SLC38A1: variants seen among roughly 807,000 people sequenced by gnomAD.
SLC38A1 encodes solute carrier family 38 member 1.
SLC38A1 carries 18 observed loss-of-function variants against 60.3 expected under a neutral mutation model. The ratio of observed to expected loss-of-function variants is 0.30; its 90% CI spans 0.21 to 0.44. The LOEUF (loss-of-function observed/expected upper bound fraction) is 0.44. SLC38A1 is among the 20% of genes least tolerant of loss of function. The pLI is 1.00. For synonymous variants in SLC38A1, 196 were observed against 212.1 expected, an observed-to-expected ratio of 0.92 and a Z score of 0.66; for missense variants, 448 against 587.2, an observed-to-expected ratio of 0.76 and a Z score of 2.45.
rs765996312 is a variant in SLC38A1 at position 46,198,073 on chromosome 12, A to G, written c.1123-13T>C. On this transcript the variant is annotated splice_polypyrimidine_tract_variant and intron_variant, in intron 14 of 16. Transcript: ENST00000398637. ...AAGATGAACGAACCTGCAAGAAAAGAAAACAAAGATTCTGTAAGTGCCTAC... is the reference window on the plus strand; with the variant it reads ...AAGATGAACGAACCTGCAAGAAAAGGAAACAAAGATTCTGTAAGTGCCTAC... 6.2e-7 allele frequency: 1 copy of G among 1,612,660 alleles called. No individual in the cohort carries two copies. Among genetic ancestry groups the G allele is most frequent in the Non-Finnish European group, 8.5e-7 (1 of 1,179,576 alleles).
At chr12:46,264,820 C>T (rs1465510470) in intron 1 of SLC38A1, among the ~76,000 whole-genome samples, 1 of 152,128 alleles carries the variant, frequency 6.6e-6, no homozygotes, top group Non-Finnish European at 1.5e-5. Context: ...CTCTGTGTGC[C>T]TTTGCATACA....
Position 46,186,726 on chromosome 12 carries a change from T to C in SLC38A1, c.*2244A>G, listed in dbSNP as rs933506047. The C allele has an allele frequency of 1.3e-5, 2 of 152,208 alleles. No homozygotes were observed. The highest frequency in any genetic ancestry group is 2.9e-5 in the Non-Finnish European group (2 of 68,034). The allele number at this position is 152,208 out of a possible 1,614,324, so 9.4% of individuals were successfully genotyped here. ...AAATCTATTTTAAATAAATATTCCT[T>C]GTATTGACACATGAAACCCAGAGGC... On this transcript the variant is annotated 3_prime_UTR_variant, in exon 17 of 17. Transcript: ENST00000398637.
In SLC38A1 at chr12:46,218,846, T is replaced by C. The variant is rs536671501; in HGVS notation, c.315-9719A>G. ...GATATGAAATCATAGGGGGGTGAAG[T>C]AAGATTTTCTTGCTGTCTTCTGTTC... On this transcript the variant is annotated intron_variant, in intron 5 of 16. Transcript: ENST00000398637. 2.0e-5 allele frequency among the ~76,000 whole-genome samples: 3 copies of C among 152,170 alleles called. No homozygotes were observed. The South Asian group carries it at 6.2e-4, about 32-fold the overall frequency.
chr12:46,209,818 T>A (rs1182564043), intron 5 of SLC38A1, among the ~76,000 whole-genome samples: 1 of 152,182 alleles, frequency 6.6e-6, no homozygotes, highest in African/African-American at 2.4e-5. Context: ...TGGGTCATTA[T>A]CACACCCTTC....
intron 14 of SLC38A1, 74 bp from the exon 15 acceptor site, chr12:46,198,134 T>C: frequency 1.4e-6 from 2 of 1,469,548 alleles, no homozygotes; most frequent in Admixed American, 1.9e-5. Flanking sequence ...GCAGAGTAAC[T>C]GATTTATTGG....
intron 1 of SLC38A1, among the ~76,000 whole-genome samples, chr12:46,244,466 T>C (rs947984091): frequency 1.3e-5 from 2 of 152,224 alleles, no homozygotes; most frequent in East Asian, 1.9e-4. Flanking sequence ...GGTTTCTAGA[T>C]ATAATTTAGA....
At chr12:46,250,781 A>G (rs891310861) in intron 1 of SLC38A1, among the ~76,000 whole-genome samples, 10 of 152,342 alleles carry the variant, frequency 6.6e-5, no homozygotes, top group African/African-American at 2.4e-4. Flanking sequence ...AATCCAACTT[A>G]CAAGGGATGT....
chr12:46,247,195 G>A (rs761831751), intron 1 of SLC38A1, among the ~76,000 whole-genome samples: 2 of 152,194 alleles, frequency 1.3e-5, no homozygotes, highest in Non-Finnish European at 2.9e-5. Context: ...TGACAAGTTG[G>A]CCAAAGTAGG....
rs1183242175 is a variant in SLC38A1 at position 46,204,427 on chromosome 12, A to C, written c.706-10T>G. 3 of 1,600,530 alleles carry C rather than the reference A, an allele frequency of 1.9e-6. No homozygotes were observed. In the Admixed American group the frequency reaches 5.0e-5, roughly 27 times the overall value. ...ATTTCTTGTAAATAACCTGGTATTAAGAAGTATAGTAGAAGCAATATGGAC... is the reference window on the plus strand; with the variant it reads ...ATTTCTTGTAAATAACCTGGTATTACGAAGTATAGTAGAAGCAATATGGAC... On this transcript the variant is annotated splice_polypyrimidine_tract_variant and intron_variant, in intron 10 of 16. Transcript: ENST00000398637.
At chr12:46,203,225 T>C in intron 11 of SLC38A1, 136 bp from the exon 12 acceptor site, 1 of 729,596 alleles carries the variant, frequency 1.4e-6, no homozygotes, top group Admixed American at 2.9e-5. Context: ...AGGGAGGTTT[T>C]GATCTCTAAA....
intron 1 of SLC38A1, among the ~76,000 whole-genome samples, chr12:46,261,338 G>T: frequency 6.6e-6 from 1 of 152,232 alleles, no homozygotes; most frequent in South Asian, 2.1e-4. Flanking sequence ...CAGCAGTTTC[G>T]TGTAGATTAC....
At chr12:46,190,698 A>AT (rs1321315341) in intron 16 of SLC38A1, among the ~76,000 whole-genome samples, 2 of 152,086 alleles carry the variant, frequency 1.3e-5, no homozygotes, top group East Asian at 3.9e-4. Flanking sequence ...GATGATGAGC[A>AT]TTTTTTCATG....
chr12:46,238,239 C>G (rs1204344657), intron 3 of SLC38A1, among the ~76,000 whole-genome samples: 3 of 151,888 alleles, frequency 2.0e-5, no homozygotes, highest in African/African-American at 4.8e-5. Flanking sequence ...CACTTGAGCC[C>G]CATAGTAAGA....
At chr12:46,207,091 G>T in intron 8 of SLC38A1, 64 bp downstream of exon 8, 2 of 1,097,474 alleles carry the variant, frequency 1.8e-6, no homozygotes, top group South Asian at 1.6e-5. Flanking sequence ...CAAGAATTTT[G>T]ATTGGCCCAT....
At chr12:46,223,354 TA>T (rs1487962540) in intron 5 of SLC38A1, among the ~76,000 whole-genome samples, 3 of 152,170 alleles carry the variant, frequency 2.0e-5, no homozygotes, top group Non-Finnish European at 2.9e-5. Flanking sequence ...ATTTAGTGAC[TA>T]CCTAATACTA....
chr12:46,222,515 T>C (rs1481503973), intron 5 of SLC38A1, among the ~76,000 whole-genome samples: 3 of 152,216 alleles, frequency 2.0e-5, no homozygotes, highest in African/African-American at 7.2e-5. Flanking sequence ...AGTAACATAG[T>C]GCTACACACT....
chr12:46,241,239 C>T (rs1394090249), intron 2 of SLC38A1, among the ~76,000 whole-genome samples: 1 of 152,086 alleles, frequency 6.6e-6, no homozygotes, highest in Non-Finnish European at 1.5e-5. Flanking sequence ...TGGCTATAGC[C>T]TAGTTAAGGG....
chr12:46,240,045 TA>T (rs1941393942), intron 2 of SLC38A1, 152 bp from the exon 3 acceptor site: 2 of 469,628 alleles, frequency 4.3e-6, no homozygotes, highest in Non-Finnish European at 7.7e-6. Flanking sequence ...TCTATCAAGT[TA>T]TGGAGGTGTA....
At chr12:46,230,803 T>C (rs942866267) in intron 3 of SLC38A1, among the ~76,000 whole-genome samples, 14 of 152,148 alleles carry the variant, frequency 9.2e-5, no homozygotes, top group African/African-American at 3.4e-4. Context: ...CAACAGCAGA[T>C]GTTGGCGAGG....
Sources: allele counts gnomAD v4.1 joint callset (sites outside exome capture counted in the v4.1 genomes callset), GRCh38; gene constraint gnomAD v4.1.1; transcripts MANE v1.5; gene names NCBI Gene and HGNC (gene_info 2026-07-23, HGNC 2026-07-21).